The following URB2 variants were observed in gnomAD, a reference collection of about 807,000 sequenced individuals.
The protein encoded by URB2 is URB2 ribosome biogenesis homolog.
URB2 carries 86 observed loss-of-function variants against 120.9 expected under a neutral mutation model. The ratio of observed to expected loss-of-function variants is 0.71; its 90% confidence interval spans 0.60 to 0.85. The LOEUF (loss-of-function observed/expected upper bound fraction) is 0.85, where lower values mean the gene tolerates loss of function less well. Ranked by LOEUF, URB2 falls within the 40% of genes least tolerant of loss-of-function variation. The pLI, the probability that URB2 is intolerant of heterozygous loss-of-function variation, is 0.00. For synonymous variants in URB2, 755 were observed against 758.4 expected (o/e 1.00, Z 0.07); for missense variants, 1,765 against 1,836.5 (o/e 0.96, Z 0.71).
At chr1:229,644,655 T>G (rs1666094231) in intron 5 of URB2, among the ~76,000 whole-genome samples, 4 of 149,412 alleles carry the variant, frequency 2.7e-5, no homozygotes, top group Admixed American at 1.3e-4. Flanking sequence ...AGAGTGGGAG[T>G]GGAGATGGGG....
intron 6 of URB2, 105 bp from the exon 7 acceptor site, chr1:229,647,405 T>C (rs1373965594): frequency 7.1e-7 from 1 of 1,412,118 alleles, no homozygotes; most frequent in Non-Finnish European, 9.6e-7. Flanking sequence ...ATCAATTCAT[T>C]TTGGAGCACA....
In URB2 at chr1:229,647,626, C is replaced by A; in HGVS notation, c.4023C>A (p.His1341Gln). ...GGGAGGAGGCCATCGGCAACCCCCACCACGTCAGCCTGGCCTTCAGCATCC... is the reference window on the plus strand; with the variant it reads ...GGGAGGAGGCCATCGGCAACCCCCAACACGTCAGCCTGGCCTTCAGCATCC... ...RQGEEAIGNP[H>Q]HVSLAFSILL... Residue 1341 changes from histidine (H) to glutamine (Q), a missense_variant, in exon 7 of 10, where the codon CAC becomes CAA. His to Gln is a conservative substitution (Grantham distance 24, BLOSUM62 0). Transcript: ENST00000258243. The A allele has an allele frequency of 6.2e-7, 1 of 1,614,190 alleles. No individual in the cohort carries two copies.
chr1:229,637,267 A>G lies in URB2; in HGVS notation c.2654A>G (p.Gln885Arg), dbSNP rs1440788461. Residue 885 changes from glutamine (Q) to arginine (R), a missense_variant, in exon 4 of 10, where the codon CAG becomes CGG. Gln to Arg is a conservative substitution (Grantham distance 43, BLOSUM62 1). Coordinates refer to ENST00000258243, the MANE Select transcript of URB2 (RefSeq NM_014777.4). ...LSLVKSDFPI[Q>R]LEGEQLESIL... ...CTGGTCAAGAGTGACTTCCCTATCC[A>G]GCTGGAGGGAGAGCAGTTGGAAAGC... 6.2e-7 allele frequency: 1 copy of G among 1,614,166 alleles called. No homozygotes were observed.
At chr1:229,627,589 G>T (rs1665539278) in intron 1 of URB2, 32 bp from the exon 2 acceptor site, 1 of 1,600,664 alleles carries the variant, frequency 6.2e-7, no homozygotes, top group Admixed American at 1.7e-5. Flanking sequence ...CATTGTTATA[G>T]TATTTTTTTT....
intron 9 of URB2, among the ~76,000 whole-genome samples, chr1:229,655,056 A>C (rs188124172): frequency 1.3e-5 from 2 of 152,292 alleles, no homozygotes; most frequent in Admixed American, 1.3e-4. Flanking sequence ...GCAAGAGTTC[A>C]TGTATCTTTA....
chr1:229,641,942 C>A (rs747130816), intron 4 of URB2, among the ~76,000 whole-genome samples: 1 of 152,010 alleles, frequency 6.6e-6, no homozygotes, highest in African/African-American at 2.4e-5. Flanking sequence ...CCCAAGAGGT[C>A]GAGGCTGCAG....
intron 1 of URB2, 116 bp from the exon 2 acceptor site, chr1:229,627,505 T>C (rs1665536040): frequency 3.9e-6 from 4 of 1,020,972 alleles, no homozygotes; most frequent in Admixed American, 3.6e-5. Flanking sequence ...TAAAAACTTT[T>C]AAAAGAATAC....
intron 4 of URB2, 116 bp from the exon 5 acceptor site, chr1:229,643,417 C>T: frequency 8.4e-7 from 1 of 1,187,560 alleles, no homozygotes; most frequent in Non-Finnish European, 1.2e-6. Context: ...ATCACCATGC[C>T]CCTAACTTGG....
At chr1:229,633,134 A>G (rs1012872753) in intron 3 of URB2, among the ~76,000 whole-genome samples, 9 of 152,226 alleles carry the variant, frequency 5.9e-5, no homozygotes, top group African/African-American at 2.2e-4. Context: ...CTATGAAGCC[A>G]TAACACTGCC....
intron 9 of URB2, among the ~76,000 whole-genome samples, chr1:229,657,044 C>T (rs1666422697): frequency 6.6e-6 from 1 of 152,178 alleles, no homozygotes; most frequent in South Asian, 2.1e-4. Context: ...GCAGTTATAT[C>T]TGGATAAATC....
intron 4 of URB2, 121 bp downstream of exon 4, chr1:229,638,368 G>C (rs1665911294): frequency 2.5e-6 from 3 of 1,189,506 alleles, no homozygotes; most frequent in South Asian, 1.7e-5. Context: ...ATGTGCGGCT[G>C]GGTGCGGTGG....
intron 7 of URB2, among the ~76,000 whole-genome samples, chr1:229,649,519 A>C (rs370080845): frequency 2.0e-5 from 3 of 152,262 alleles, no homozygotes; most frequent in East Asian, 3.8e-4. Context: ...AGATCATTTA[A>C]CGAATGGAGA....
chr1:229,634,577 T>C (rs1665744232), intron 3 of URB2, among the ~76,000 whole-genome samples: 1 of 152,158 alleles, frequency 6.6e-6, no homozygotes, highest in African/African-American at 2.4e-5. Context: ...ACATCTAAGC[T>C]CAATTGCAGG....
chr1:229,634,231 G>T (rs1439641487), intron 3 of URB2, among the ~76,000 whole-genome samples: 1 of 143,040 alleles, frequency 7.0e-6, no homozygotes, highest in Non-Finnish European at 1.5e-5. Flanking sequence ...TTTCAGACAG[G>T]GTCCCGCTCT....
chr1:229,645,423 G>A (rs144883923), intron 5 of URB2, among the ~76,000 whole-genome samples: 6 of 152,168 alleles, frequency 3.9e-5, no homozygotes, highest in East Asian at 3.9e-4. Flanking sequence ...CACCTAATCC[G>A]ATTGTTTTCA....
chr1:229,654,976 C>T (rs1666373256), intron 9 of URB2, among the ~76,000 whole-genome samples: 1 of 152,182 alleles, frequency 6.6e-6, no homozygotes, highest in African/African-American at 2.4e-5. Flanking sequence ...CAGGAGCTCT[C>T]ATAGGACCAG....
intron 6 of URB2, 24 bp downstream of exon 6, chr1:229,645,993 C>T: frequency 1.9e-6 from 3 of 1,597,278 alleles, no homozygotes; most frequent in Non-Finnish European, 2.6e-6. Context: ...GGAGATGTGT[C>T]CTCTAGCTCC....
chr1:229,644,569 G>A (rs910889306), intron 5 of URB2, among the ~76,000 whole-genome samples: 2 of 152,206 alleles, frequency 1.3e-5, no homozygotes, highest in Non-Finnish European at 2.9e-5. Context: ...GGATGTGCAA[G>A]AGTGAGAAGA....
intron 4 of URB2, among the ~76,000 whole-genome samples, chr1:229,642,530 A>C (rs927483720): frequency 3.3e-5 from 5 of 152,188 alleles, no homozygotes; most frequent in Non-Finnish European, 7.3e-5. Context: ...CGCTGGCTGG[A>C]AAGATGACCT....
Sources: gnomAD v4.1 joint callset for allele counts (sites outside exome capture counted in the v4.1 genomes callset) on GRCh38, gnomAD v4.1.1 for gene constraint, MANE v1.5 for transcripts, NCBI Gene and HGNC (gene_info 2026-07-23, HGNC 2026-07-21) for gene names.